Variants in HDGF observed in about 807,000 individuals in gnomAD.
HDGF encodes the protein hepatoma-derived growth factor.
Under a neutral mutation model 30.0 loss-of-function variants are expected in HDGF, and 5 were observed. The observed-to-expected ratio is 0.17, with a 90% confidence interval of 0.09 to 0.35. The LOEUF is 0.35. HDGF is among the 10% of genes least tolerant of loss of function. The pLI is 1.00. For synonymous variants in HDGF, 133 were observed against 112.7 expected (o/e 1.18, Z -1.14); for missense variants, 214 against 302.8 (o/e 0.71, Z 2.18).
intron 3 of HDGF, among the ~76,000 whole-genome samples, chr1:156,744,736 C>T (rs1336330079): frequency 6.6e-6 from 1 of 151,346 alleles, no homozygotes; most frequent in Non-Finnish European, 1.5e-5. Context: ...TATACTCACA[C>T]TAGGCCCAAC....
intron 2 of HDGF, among the ~76,000 whole-genome samples, chr1:156,757,909 C>G (rs1020898136): frequency 6.6e-6 from 1 of 152,102 alleles, no homozygotes; most frequent in African/African-American, 2.4e-5. Context: ...GGTGTAAATA[C>G]AGAACATTTC....
chr1:156,759,432 T>G (rs1164948357), intron 1 of HDGF, among the ~76,000 whole-genome samples: 1 of 152,140 alleles, frequency 6.6e-6, no homozygotes, highest in Non-Finnish European at 1.5e-5. Flanking sequence ...CAGCAATATA[T>G]TTTGAGACTC....
At chr1:156,745,605 G>A (rs1021005664) in intron 1 of HDGF, among the ~76,000 whole-genome samples, 3 of 152,164 alleles carry the variant, frequency 2.0e-5, no homozygotes, top group African/African-American at 4.8e-5. Context: ...CAGCCAGACA[G>A]CACCCATTCT....
chr1:156,762,917 T>C (rs1651276534), intron 1 of HDGF, among the ~76,000 whole-genome samples: 1 of 151,714 alleles, frequency 6.6e-6, no homozygotes, highest in African/African-American at 2.4e-5. Flanking sequence ...GGTGATCTGG[T>C]TGGGAGTTTG....
In HDGF at chr1:156,745,062, G is replaced by A. The variant is rs1330281174; in HGVS notation, c.249C>T (p.Ser83=). The change falls in exon 3 of 6, where the codon AGC becomes AGT. Residue 83 remains serine (S), a synonymous_variant. Coordinates refer to ENST00000357325, the MANE Select transcript of HDGF (RefSeq NM_004494.3). ...TGTTCTCGATCTCCCACAGCCCCTC[G>A]CTGAACCCTTTCCTCTTGTTGGGCT... ...FGKPNKRKGF[S]EGLWEIENNP... is the part of the protein sequence containing the mutation. The A allele has an allele frequency of 2.5e-6, 4 of 1,613,984 alleles. No homozygotes were observed. Among genetic ancestry groups the A allele is most frequent in the South Asian group, 2.2e-5 (2 of 91,080 alleles).
At chr1:156,747,985 G>A (rs1286039826) in intron 1 of HDGF, among the ~76,000 whole-genome samples, 3 of 152,122 alleles carry the variant, frequency 2.0e-5, no homozygotes, top group Non-Finnish European at 2.9e-5. Flanking sequence ...ACAAAAGAAC[G>A]AATGGGATTA....
At chr1:156,763,545 T>C (rs189409943) in intron 1 of HDGF, among the ~76,000 whole-genome samples, 1 of 151,886 alleles carries the variant, frequency 6.6e-6, no homozygotes, top group East Asian at 1.9e-4. Flanking sequence ...ACTTTTATTA[T>C]GATTACTTTC....
In HDGF at chr1:156,744,331, GCT is replaced by G. The variant is rs1331906161; in HGVS notation, c.319_320del (p.Ser107LeufsTer6). The G allele has an allele frequency of 1.2e-6, 2 of 1,613,930 alleles. No homozygotes were observed. Among genetic ancestry groups the G allele is most frequent in the Non-Finnish European group, 1.7e-6 (2 of 1,180,028 alleles). On this transcript the variant is annotated frameshift_variant, in exon 4 of 6. Coordinates refer to ENST00000357325, the MANE Select transcript of HDGF (RefSeq NM_004494.3). LOFTEE classifies it high-confidence loss of function. ...ASGYQSSQKK[S>X]CVEEPEPEPE... ...GCTCTGGTTCAGGCTCTTCCACACA[GCT>G]CTTTTTCTGGGAGGACTGCAGCAGA...
At chr1:156,755,270 C>T (rs1397255504), upstream of HDGF, among the ~76,000 whole-genome samples, 3 of 152,062 alleles carry the variant, frequency 2.0e-5, no homozygotes, top group South Asian at 6.2e-4. Context: ...GATCCTGAAG[C>T]GAGTCTCTGG....
At chr1:156,746,258 A>G (rs1289312640) in intron 1 of HDGF, among the ~76,000 whole-genome samples, 2 of 152,222 alleles carry the variant, frequency 1.3e-5, no homozygotes, top group Non-Finnish European at 2.9e-5. Flanking sequence ...ACCAGCCCCA[A>G]GGTCAGAGAC....
chr1:156,747,840 G>A (rs1295661621), intron 1 of HDGF, among the ~76,000 whole-genome samples: 1 of 152,304 alleles, frequency 6.6e-6, no homozygotes, highest in East Asian at 1.9e-4. Flanking sequence ...AGCACAGACT[G>A]CAAAGTGGCT....
At chr1:156,753,521 C>G (rs1433694065), upstream of HDGF, among the ~76,000 whole-genome samples, 1 of 152,202 alleles carries the variant, frequency 6.6e-6, no homozygotes, top group Non-Finnish European at 1.5e-5. Flanking sequence ...AGCATCAGAA[C>G]AGGTTTCCTT....
At chr1:156,758,510 G>A (rs529292982) in intron 2 of HDGF, among the ~76,000 whole-genome samples, 37 of 146,826 alleles carry the variant, frequency 2.5e-4, no homozygotes, top group Non-Finnish European at 2.1e-4. Context: ...GGAGAATGGC[G>A]TGAACCCAGG....
At position 156,751,414 on chromosome 1, in the gene HDGF, G is replaced by C; in HGVS notation, c.16C>G (p.Arg6Gly). 6.3e-7 allele frequency: 1 copy of C among 1,593,194 alleles called. No individual in the cohort carries two copies. Among genetic ancestry groups the C allele is most frequent in the Non-Finnish European group, 8.6e-7 (1 of 1,169,572 alleles). MSRSN[R>G]QKEYKCGDLV... Reference sequence around the variant, plus strand: ...TCCCCGCATTTGTACTCCTTCTGCCGGTTGGATCGCGACATGGCGGGGCTC... The same window carrying C: ...TCCCCGCATTTGTACTCCTTCTGCCCGTTGGATCGCGACATGGCGGGGCTC... The change falls in exon 1 of 6, where the codon CGG becomes GGG. Residue 6 changes from arginine (R) to glycine (G), a missense_variant. By Grantham distance (125) the Arg-to-Gly change is moderately radical. This residue lies in a region of HDGF where 38 missense variants were observed against 91.1 expected (regional missense o/e 0.42). Transcript: ENST00000357325. The surrounding 1 kb of genome is among the most constrained non-coding windows in gnomAD (Gnocchi z 4.7).
intron 1 of HDGF, among the ~76,000 whole-genome samples, chr1:156,763,588 C>CTTTT (rs1263248247): frequency 7.3e-6 from 1 of 137,270 alleles, no homozygotes; most frequent in African/African-American, 2.7e-5. Flanking sequence ...TTACAAATTT[C>CTTTT]TTTTTTTTTT....
Position 156,744,993 on chromosome 1 carries a change from C to A in HDGF, c.303+15G>T. The A allele has an allele frequency of 6.2e-7, 1 of 1,613,712 alleles. No individual in the cohort carries two copies. The highest frequency in any genetic ancestry group is 8.5e-7 in the Non-Finnish European group (1 of 1,179,696). On this transcript the variant is annotated intron_variant, in intron 3 of 5. Coordinates refer to ENST00000357325, the MANE Select transcript of HDGF (RefSeq NM_004494.3). ...TCTGCTTTCCAGGGGGTCTCTGGGG[C>A]AGGCGGTGGCTCACCTGATAGCCGG...
intron 1 of HDGF, among the ~76,000 whole-genome samples, chr1:156,746,496 G>A (rs1481971240): frequency 6.6e-6 from 1 of 152,210 alleles, no homozygotes; most frequent in Non-Finnish European, 1.5e-5. Flanking sequence ...GAAAACAAGT[G>A]ATTTGCCCAA....
intron 2 of HDGF, among the ~76,000 whole-genome samples, chr1:156,758,787 C>T (rs556004741): frequency 4.4e-4 from 67 of 152,104 alleles, no homozygotes; most frequent in Non-Finnish European, 8.7e-4. Context: ...TCAACAACAA[C>T]AACAAAAATG....
intron 1 of HDGF, chr1:156,759,223 T>C (rs956393213): frequency 1.1e-4 from 16 of 152,176 alleles, no homozygotes; most frequent in African/African-American, 3.9e-4. Flanking sequence ...ATGCAAACTT[T>C]AGGAGGTAAA....
Sources: gnomAD v4.1 joint callset for allele counts (sites outside exome capture counted in the v4.1 genomes callset) on GRCh38, gnomAD v4.1.1 for gene constraint, gnomAD v4.1.1 regional missense constraint, Gnocchi (gnomAD v3.1) non-coding constraint, MANE v1.5 for transcripts, NCBI Gene and HGNC (gene_info 2026-07-23, HGNC 2026-07-21) for gene names.